DIS3L2: variants seen among roughly 807,000 people sequenced by gnomAD.
DIS3L2 encodes DIS3 like 3'-5' exoribonuclease 2.
A neutral mutation model predicts 97.5 loss-of-function variants in DIS3L2; 34 were observed. That is an observed-to-expected ratio of 0.35 (90% confidence interval 0.27 to 0.46). DIS3L2 has a LOEUF of 0.46. Ranked by LOEUF, DIS3L2 falls within the 20% of genes least tolerant of loss-of-function variation. The pLI, the probability that DIS3L2 is intolerant of heterozygous loss-of-function variation, is 1.00. For synonymous variants in DIS3L2, 435 were observed against 445.2 expected, an observed-to-expected ratio of 0.98 and a Z score of 0.29; for missense variants, 1,038 against 1,146.0, an observed-to-expected ratio of 0.91 and a Z score of 1.36.
intron 9 of DIS3L2, among the ~76,000 whole-genome samples, chr2:232,204,817 G>A (rs1691986139): frequency 6.6e-6 from 1 of 152,166 alleles, no homozygotes; most frequent in Admixed American, 6.5e-5. Context: ...CAAGTGCTGA[G>A]GCCAGCAGCT....
chr2:232,303,206 C>T (rs1417159649), intron 14 of DIS3L2, among the ~76,000 whole-genome samples: 1 of 152,188 alleles, frequency 6.6e-6, no homozygotes, highest in African/African-American at 2.4e-5. Flanking sequence ...GCAGACTCCT[C>T]ACTCATGAGT....
chr2:232,071,728 C>T (rs996973349), intron 5 of DIS3L2, among the ~76,000 whole-genome samples: 4 of 152,062 alleles, frequency 2.6e-5, no homozygotes, highest in Non-Finnish European at 4.4e-5. Context: ...AAAATAGAGA[C>T]GAGGTCTCAC....
At chr2:232,046,272 T>C (rs1695242036) in intron 5 of DIS3L2, among the ~76,000 whole-genome samples, 1 of 152,178 alleles carries the variant, frequency 6.6e-6, no homozygotes, top group Non-Finnish European at 1.5e-5. Flanking sequence ...TACTTGGTGT[T>C]GGGTGTGGTT....
chr2:232,231,291 A>G (rs1179846451), intron 10 of DIS3L2, among the ~76,000 whole-genome samples: 1 of 152,190 alleles, frequency 6.6e-6, no homozygotes, highest in African/African-American at 2.4e-5. Context: ...GTTATTAGGA[A>G]GATTATGAGG....
At chr2:231,963,413 A>G (rs1002774842) in intron 1 of DIS3L2, among the ~76,000 whole-genome samples, 1 of 152,070 alleles carries the variant, frequency 6.6e-6, no homozygotes, top group Non-Finnish European at 1.5e-5. Context: ...AGAAGTGTTC[A>G]TGTCCTTTGG....
chr2:232,299,843 G>T (rs1271329533), intron 13 of DIS3L2, among the ~76,000 whole-genome samples, 197 bp from the exon 14 acceptor site: 1 of 152,224 alleles, frequency 6.6e-6, no homozygotes, highest in African/African-American at 2.4e-5. Flanking sequence ...AACAAGTAGA[G>T]TCTTGCTGAC....
chr2:232,192,435 A>G (rs1340068011), intron 9 of DIS3L2, among the ~76,000 whole-genome samples: 1 of 152,198 alleles, frequency 6.6e-6, no homozygotes, highest in Admixed American at 6.5e-5. Flanking sequence ...TTTAAAAAAA[A>G]GTTGATTAAA....
At chr2:232,030,182 T>C (rs1333965035) in intron 5 of DIS3L2, 102 bp downstream of exon 5, 2 of 941,744 alleles carry the variant, frequency 2.1e-6, no homozygotes, top group Non-Finnish European at 3.3e-6. Context: ...ACAGACCCCT[T>C]AGGCGCTGTG....
intron 13 of DIS3L2, among the ~76,000 whole-genome samples, chr2:232,296,399 TG>T (rs1694726531): frequency 6.6e-6 from 1 of 152,174 alleles, no homozygotes; most frequent in Non-Finnish European, 1.5e-5. Flanking sequence ...CTAATTTAAG[TG>T]GTTTTTGTCA....
intron 6 of DIS3L2, among the ~76,000 whole-genome samples, chr2:232,116,833 G>GAACAAC (rs67570957): frequency 6.6e-6 from 1 of 151,246 alleles, no homozygotes; most frequent in Admixed American, 6.6e-5. Flanking sequence ...CAAACAAAAA[G>GAACAAC]AACAACAACA....
chr2:232,025,480 G>A (rs144935039), intron 4 of DIS3L2, among the ~76,000 whole-genome samples: 3 of 152,152 alleles, frequency 2.0e-5, no homozygotes, highest in East Asian at 3.9e-4. Flanking sequence ...ATCCAAGTTC[G>A]AGTCTTACCC....
intron 3 of DIS3L2, chr2:232,023,068 T>A (rs150552387): frequency 1.3e-5 from 2 of 152,326 alleles, no homozygotes; most frequent in African/African-American, 4.8e-5. Flanking sequence ...ATTTTGCTCT[T>A]CTGTAAAGGA....
chr2:232,192,476 C>T (rs558072896), intron 9 of DIS3L2, among the ~76,000 whole-genome samples: 18 of 152,344 alleles, frequency 1.2e-4, no homozygotes, highest in Admixed American at 3.3e-4. Context: ...CATACTTCCC[C>T]CTTCCTCATA....
At chr2:232,189,597 A>C (rs1032929657) in intron 9 of DIS3L2, among the ~76,000 whole-genome samples, 5 of 152,208 alleles carry the variant, frequency 3.3e-5, no homozygotes, top group Non-Finnish European at 5.9e-5. Flanking sequence ...GACAGGAAGA[A>C]ATTGGGTGCA....
At chr2:232,146,669 A>G (rs892441806) in intron 8 of DIS3L2, among the ~76,000 whole-genome samples, 2 of 152,198 alleles carry the variant, frequency 1.3e-5, no homozygotes, top group Non-Finnish European at 2.9e-5. Flanking sequence ...AGGGGAGGCC[A>G]TACACTGAAT....
intron 10 of DIS3L2, among the ~76,000 whole-genome samples, chr2:232,213,342 C>G (rs957996246): frequency 3.3e-5 from 5 of 152,138 alleles, no homozygotes; most frequent in Non-Finnish European, 7.3e-5. Flanking sequence ...TTCTTGCATT[C>G]CTGAGGAGCA....
intron 1 of DIS3L2, among the ~76,000 whole-genome samples, chr2:231,978,112 T>C (rs544686686): frequency 6.6e-6 from 1 of 152,362 alleles, no homozygotes. Flanking sequence ...AGACTATGTA[T>C]GTTTTTATAT....
chr2:232,295,569 T>G (rs1051379900), intron 13 of DIS3L2, among the ~76,000 whole-genome samples: 3 of 152,130 alleles, frequency 2.0e-5, no homozygotes, highest in African/African-American at 7.2e-5. Flanking sequence ...TTGAAACAAG[T>G]CTCTGTCATC....
At chr2:232,305,673 G>C (rs1313735281) in intron 14 of DIS3L2, among the ~76,000 whole-genome samples, 1 of 151,992 alleles carries the variant, frequency 6.6e-6, no homozygotes. Context: ...GATCATCTTA[G>C]GCTGTGCGCA....
Sources: gnomAD v4.1 joint callset for allele counts (sites outside exome capture counted in the v4.1 genomes callset) on GRCh38, gnomAD v4.1.1 for gene constraint, MANE v1.5 for transcripts, NCBI Gene and HGNC (gene_info 2026-07-23, HGNC 2026-07-21) for gene names.